Variants in KCNN2 observed in about 807,000 individuals in gnomAD.
KCNN2 encodes small conductance calcium-activated potassium channel protein 2.
In KCNN2, 24 loss-of-function variants were observed where a neutral mutation model predicts 55.5. That is an observed-to-expected ratio of 0.43 (90% CI 0.31 to 0.61). KCNN2 has a LOEUF of 0.61. KCNN2 is among the 20% of genes least tolerant of loss of function. The pLI is 0.08. For missense variants in KCNN2, 754 were observed against 853.6 expected (o/e 0.88, Z 1.45); for synonymous variants, 431 against 336.1 (o/e 1.28, Z -3.09).
intron 2 of KCNN2, among the ~76,000 whole-genome samples, chr5:114,242,997 A>T (rs1329922437): frequency 1.1e-5 from 1 of 91,126 alleles, no homozygotes; most frequent in African/African-American, 3.5e-5. Flanking sequence ...CAGGGAAAAC[A>T]CCAGTGAGCA....
chr5:114,234,062 T>C (rs191523771), intron 2 of KCNN2, among the ~76,000 whole-genome samples: 133 of 152,138 alleles, frequency 8.7e-4, no homozygotes, highest in African/African-American at 3.1e-3. Context: ...CCTTATATCA[T>C]TCATTTGATT....
chr5:114,208,219 A>T (rs951103624), intron 1 of KCNN2, among the ~76,000 whole-genome samples: 1 of 152,192 alleles, frequency 6.6e-6, no homozygotes. Context: ...TTCTAACTTC[A>T]TTTGGATCCT....
intron 2 of KCNN2, among the ~76,000 whole-genome samples, chr5:114,325,841 G>C (rs1561571933): frequency 6.6e-6 from 1 of 152,150 alleles, no homozygotes. Context: ...CAAGGGAGGG[G>C]GAATAGAGTA....
chr5:114,403,829 A>G (rs1758859118), intron 2 of KCNN2, among the ~76,000 whole-genome samples: 1 of 152,252 alleles, frequency 6.6e-6, no homozygotes, highest in Non-Finnish European at 1.5e-5. Flanking sequence ...AAGTAAATGA[A>G]TAATCCAAGG....
intron 2 of KCNN2, among the ~76,000 whole-genome samples, chr5:114,239,936 T>C (rs990624175): frequency 1.3e-5 from 2 of 152,200 alleles, no homozygotes; most frequent in Non-Finnish European, 2.9e-5. Context: ...GATTATTTTG[T>C]AACTGCATTC....
chr5:114,219,319 C>A (rs1159504537), intron 1 of KCNN2, among the ~76,000 whole-genome samples: 1 of 152,210 alleles, frequency 6.6e-6, no homozygotes, highest in African/African-American at 2.4e-5. Flanking sequence ...CCTTTTGTAT[C>A]TGCACTCATG....
chr5:114,344,418 C>G (rs569920976), intron 2 of KCNN2, among the ~76,000 whole-genome samples: 1 of 152,294 alleles, frequency 6.6e-6, no homozygotes, highest in Admixed American at 6.5e-5. Flanking sequence ...TCTATGTCCT[C>G]TGGATGTGTT....
chr5:114,297,748 G>A (rs981200403), intron 2 of KCNN2, among the ~76,000 whole-genome samples: 1 of 152,032 alleles, frequency 6.6e-6, no homozygotes, highest in African/African-American at 2.4e-5. Context: ...ATATAATATT[G>A]ATTTAGACAT....
intron 2 of KCNN2, among the ~76,000 whole-genome samples, chr5:114,262,683 A>C (rs911757591): frequency 6.6e-5 from 10 of 152,314 alleles, no homozygotes; most frequent in Non-Finnish European, 1.3e-4. Context: ...GGTGAAACTT[A>C]TGTTTTTAAA....
chr5:114,254,870 T>C (rs1346280252), intron 2 of KCNN2, among the ~76,000 whole-genome samples: 2 of 152,168 alleles, frequency 1.3e-5, no homozygotes, highest in Non-Finnish European at 2.9e-5. Context: ...TTCAATTAAC[T>C]CTAGAAAACC....
At chr5:114,199,594 A>G (rs1753628909) in intron 1 of KCNN2, among the ~76,000 whole-genome samples, 1 of 136,908 alleles carries the variant, frequency 7.3e-6, no homozygotes, top group African/African-American at 2.7e-5. Context: ...ATTGTTTTAT[A>G]TGAATTTTGG....
intron 6 of KCNN2, 47 bp downstream of exon 6, chr5:114,487,224 T>C (rs1174601420): frequency 6.4e-7 from 1 of 1,563,636 alleles, no homozygotes; most frequent in South Asian, 1.1e-5. Context: ...TCCTTGGCTT[T>C]CAATTTTTGC....
At chr5:114,238,296 A>G (rs189608448) in intron 2 of KCNN2, among the ~76,000 whole-genome samples, 8 of 152,290 alleles carry the variant, frequency 5.3e-5, no homozygotes, top group Admixed American at 1.3e-4. Context: ...GAAGACCTCT[A>G]ATTCTCTTTT....
At chr5:114,290,596 A>G (rs1271244353) in intron 2 of KCNN2, among the ~76,000 whole-genome samples, 2 of 151,240 alleles carry the variant, frequency 1.3e-5, no homozygotes, top group Non-Finnish European at 3.0e-5. Flanking sequence ...TCTAATTTTT[A>G]TTATTACTTT....
At chr5:114,289,203 T>G (rs914825914) in intron 2 of KCNN2, among the ~76,000 whole-genome samples, 1 of 152,160 alleles carries the variant, frequency 6.6e-6, no homozygotes, top group South Asian at 2.1e-4. Context: ...CACTGGTCTG[T>G]ATGTTTATCC....
At chr5:114,320,942 T>A (rs370426655) in intron 2 of KCNN2, among the ~76,000 whole-genome samples, 5 of 152,188 alleles carry the variant, frequency 3.3e-5, no homozygotes, top group African/African-American at 1.2e-4. Context: ...CACAGATCTC[T>A]GATGTCCCCA....
chr5:114,277,150 T>G (rs1309666784), intron 2 of KCNN2, among the ~76,000 whole-genome samples: 1 of 152,180 alleles, frequency 6.6e-6, no homozygotes, highest in Non-Finnish European at 1.5e-5. Context: ...TCTATGAGAT[T>G]GTTGAATATT....
At chr5:114,216,061 T>G (rs1753994053) in intron 1 of KCNN2, among the ~76,000 whole-genome samples, 2 of 152,236 alleles carry the variant, frequency 1.3e-5, no homozygotes, top group African/African-American at 4.8e-5. Flanking sequence ...ATCTGGTAAA[T>G]TTACTTCAAC....
intron 1 of KCNN2, among the ~76,000 whole-genome samples, chr5:114,069,023 C>T (rs763721708): frequency 6.6e-6 from 1 of 152,168 alleles, no homozygotes; most frequent in Non-Finnish European, 1.5e-5. Context: ...CTACGTTGTA[C>T]AGGCTGGCCT....
Sources: allele counts gnomAD v4.1 joint callset (sites outside exome capture counted in the v4.1 genomes callset), GRCh38; gene constraint gnomAD v4.1.1; transcripts MANE v1.5; gene names NCBI Gene and HGNC (gene_info 2026-07-23, HGNC 2026-07-21).